The following ADAT1 variants were observed in gnomAD, a reference collection of about 807,000 sequenced individuals.
ADAT1 encodes adenosine deaminase tRNA specific 1.
A neutral mutation model predicts 58.6 loss-of-function variants in ADAT1; 58 were observed. The observed-to-expected ratio is 0.99, with a 90% CI of 0.80 to 1.23. The LOEUF is 1.23. ADAT1 is among the 50% of genes most tolerant of loss of function. The probability of loss-of-function intolerance (pLI) is 0.00; values close to 1 mark genes in which losing one functional copy is unlikely to be tolerated. For missense variants in ADAT1, 741 were observed against 608.6 expected (o/e 1.22, Z -2.29); for synonymous variants, 254 against 220.8 (o/e 1.15, Z -1.33).
intron 8 of ADAT1, among the ~76,000 whole-genome samples, chr16:75,607,836 A>C (rs552024634): frequency 2.8e-4 from 42 of 152,336 alleles, no homozygotes; most frequent in Non-Finnish European, 4.1e-4. Context: ...GAAACAACCC[A>C]AACGTCCATT....
chr16:75,608,569 T>C, intron 7 of ADAT1: 1 of 578,762 alleles, frequency 1.7e-6, no homozygotes. Flanking sequence ...AGTAAATGCA[T>C]TAAACAGAAT....
At chr16:75,620,841 A>G (rs1270888688) in intron 1 of ADAT1, 21 bp from the exon 2 acceptor site, 1 of 1,586,352 alleles carries the variant, frequency 6.3e-7, no homozygotes, top group East Asian at 2.3e-5. Context: ...AACCACAACC[A>G]TCAGAAGTAC....
chr16:75,597,260 A>G lies in ADAT1; in HGVS notation c.*2956T>C. 1 of 342,880 alleles carries G rather than the reference A, an allele frequency of 2.9e-6. No individual in the cohort carries two copies. The highest frequency in any genetic ancestry group is 2.3e-5 in the South Asian group (1 of 43,000). The allele number at this position is 342,880 out of a possible 1,614,324, so 21.2% of individuals were successfully genotyped here. A position where few individuals can be genotyped will look rare whatever the true frequency, so the allele number is the denominator to read the frequency against. ...TCCAATTACTGGGGTCCTTATAAGT[A>G]GGCCATGGAAAGACACAGACACAGG... is the stretch of plus-strand genomic sequence containing the variant. On this transcript the variant is annotated 3_prime_UTR_variant, in exon 10 of 10. Coordinates refer to ENST00000564657, the MANE Select transcript of ADAT1 (RefSeq NM_001324445.2).
intron 4 of ADAT1, among the ~76,000 whole-genome samples, chr16:75,618,028 G>A (rs2081792240): frequency 1.4e-5 from 2 of 142,584 alleles, no homozygotes; most frequent in Admixed American, 1.5e-4. Context: ...GTCCCAGGAG[G>A]CCAAGGCTGC....
At chr16:75,618,518 A>T in intron 4 of ADAT1, 68 bp downstream of exon 4, 1 of 1,246,286 alleles carries the variant, frequency 8.0e-7, no homozygotes, top group Non-Finnish European at 1.1e-6. Flanking sequence ...CCAAAAAAAA[A>T]AAAAAAAGTA....
intron 3 of ADAT1, 174 bp from the exon 4 acceptor site, chr16:75,618,814 CA>C (rs1320088642): frequency 1.4e-5 from 9 of 664,560 alleles, no homozygotes; most frequent in Non-Finnish European, 2.0e-5. Context: ...CAGGGTTTCT[CA>C]ACCCAGCACT....
intron 6 of ADAT1, 97 bp from the exon 7 acceptor site, chr16:75,609,085 G>C (rs375077559): frequency 7.1e-7 from 1 of 1,415,692 alleles, no homozygotes. Flanking sequence ...GCCTTAGCAG[G>C]TGTGGGGATT....
intron 6 of ADAT1, among the ~76,000 whole-genome samples, chr16:75,609,668 G>A (rs2081469931): frequency 1.3e-5 from 2 of 151,994 alleles, no homozygotes; most frequent in African/African-American, 2.4e-5. Flanking sequence ...AAGAAACCTC[G>A]TACCTATTAG....
At chr16:75,618,098 CAAAAAAA>C (rs1163510620) in intron 4 of ADAT1, among the ~76,000 whole-genome samples, 8 of 32,542 alleles carry the variant, frequency 2.5e-4, no homozygotes, top group Admixed American at 4.9e-4. Flanking sequence ...ACCCTGTGTC[CAAAAAAA>C]AAAAAAAAAA....
intron 9 of ADAT1, among the ~76,000 whole-genome samples, chr16:75,600,681 C>T (rs559728328): frequency 2.7e-5 from 4 of 145,658 alleles, no homozygotes; most frequent in East Asian, 2.1e-4. Context: ...AATAGTTTTA[C>T]CCAGTGCCAT....
Position 75,597,442 on chromosome 16 carries a change from G to A in ADAT1, c.*2774C>T, listed in dbSNP as rs1449134564. The A allele has an allele frequency of 2.3e-6, 1 of 442,678 alleles. No individual in the cohort carries two copies. The highest frequency in any genetic ancestry group is 4.5e-6 in the Non-Finnish European group (1 of 220,656). 27.4% of individuals were successfully genotyped at this position (442,678 alleles called of 1,614,324 possible). A position where few individuals can be genotyped will look rare whatever the true frequency, so the allele number is the denominator to read the frequency against. On this transcript the variant is annotated 3_prime_UTR_variant, in exon 10 of 10. Transcript: ENST00000564657. ...TTCAGAGCAGCAGTCCCCAAGGCAC[G>A]AAAAAGTCTTCCTTAGAGCAGCAGT... is the stretch of plus-strand genomic sequence containing the variant.
intron 3 of ADAT1, 64 bp from the exon 4 acceptor site, chr16:75,618,704 A>G (rs1418864233): frequency 6.3e-7 from 1 of 1,576,020 alleles, no homozygotes; most frequent in Non-Finnish European, 8.6e-7. Flanking sequence ...GGTTCCTAGA[A>G]GCAGAACACA....
chr16:75,604,474 T>TAC (rs373687206), intron 8 of ADAT1, among the ~76,000 whole-genome samples: 5,929 of 53,878 alleles, frequency 0.11, 403 homozygotes, highest in Non-Finnish European at 0.13. Flanking sequence ...TATATATATA[T>TAC]ACACACACAC....
intron 5 of ADAT1, among the ~76,000 whole-genome samples, chr16:75,615,687 C>T (rs1390944656): frequency 1.3e-5 from 2 of 152,092 alleles, no homozygotes; most frequent in Non-Finnish European, 2.9e-5. Flanking sequence ...AAGGCTATAG[C>T]TGTCACTGGG....
At chr16:75,616,969 G>A (rs1419103493) in intron 5 of ADAT1, among the ~76,000 whole-genome samples, 173 bp downstream of exon 5, 1 of 152,184 alleles carries the variant, frequency 6.6e-6, no homozygotes, top group African/African-American at 2.4e-5. Flanking sequence ...CTTTAGAAGT[G>A]ATTAGGTACA....
intron 5 of ADAT1, among the ~76,000 whole-genome samples, chr16:75,615,145 T>C (rs2081658941): frequency 6.7e-6 from 1 of 149,446 alleles, no homozygotes; most frequent in Non-Finnish European, 1.5e-5. Flanking sequence ...GAGAATCGCC[T>C]GGACCCGGGA....
At chr16:75,613,753 G>A (rs935313592) in intron 5 of ADAT1, among the ~76,000 whole-genome samples, 3 of 152,210 alleles carry the variant, frequency 2.0e-5, no homozygotes, top group Non-Finnish European at 2.9e-5. Flanking sequence ...AATGTCTCCA[G>A]ATGTTGCCAA....
At position 75,600,286 on chromosome 16, in the gene ADAT1, C is replaced by T; in HGVS notation, c.1439G>A (p.Trp480Ter). 1 of 1,614,134 alleles carries T rather than the reference C, an allele frequency of 6.2e-7. No homozygotes were observed. Among genetic ancestry groups the T allele is most frequent in the South Asian group, 1.1e-5 (1 of 91,082 alleles). ...AAACACCTGCTTCCGGAGTGTGCTC[C>T]AGGCTTCCTGGTAAGAGGACGCAGC... ...KEAASSYQEAWSTLRKQVFGS... is the reference protein window; with the variant it reads ...KEAASSYQEA The change falls in exon 10 of 10, where the codon TGG becomes TAG. Residue 480 changes from tryptophan (W) to a stop codon, truncating the protein, a stop_gained. Transcript: ENST00000564657. LOFTEE classifies it high-confidence loss of function.
Position 75,602,357 on chromosome 16 carries a change from C to T in ADAT1, c.1376+728G>A, listed in dbSNP as rs554311831. Among the ~76,000 whole-genome samples, 20 of 152,354 alleles carry T rather than the reference C, an allele frequency of 1.3e-4. No homozygotes were observed. The South Asian group carries it at 4.1e-3, about 32-fold the overall frequency. On this transcript the variant is annotated intron_variant, in intron 9 of 9. Coordinates refer to ENST00000564657, the MANE Select transcript of ADAT1 (RefSeq NM_001324445.2). ...CTCTGCCTTTGCGACCCTCCCATAT[C>T]TTACCCTATATCTCTCTCCTTTTGG...
Sources: gnomAD v4.1 joint callset for allele counts (sites outside exome capture counted in the v4.1 genomes callset) on GRCh38, gnomAD v4.1.1 for gene constraint, MANE v1.5 for transcripts, NCBI Gene and HGNC (gene_info 2026-07-23, HGNC 2026-07-21) for gene names.